Variants in NLGN1 observed in about 807,000 individuals in gnomAD.
NLGN1 encodes neuroligin-1.
In NLGN1, 12 loss-of-function variants were observed where a neutral mutation model predicts 65.5. The ratio of observed to expected loss-of-function variants is 0.18; its 90% CI spans 0.12 to 0.30. The LOEUF is 0.30. Ranked by LOEUF, NLGN1 falls within the 10% of genes least tolerant of loss-of-function variation. The pLI is 1.00. For synonymous variants in NLGN1, 350 were observed against 359.5 expected (o/e 0.97, Z 0.30); for missense variants, 750 against 1,007.1 (o/e 0.74, Z 3.46).
chr3:173,861,124 A>G (rs1016975332), intron 4 of NLGN1, among the ~76,000 whole-genome samples: 2 of 152,200 alleles, frequency 1.3e-5, no homozygotes, highest in Non-Finnish European at 2.9e-5. Context: ...TTATAAATTC[A>G]GAGAAGACTT....
intron 2 of NLGN1, among the ~76,000 whole-genome samples, chr3:173,447,103 C>T (rs146771504): frequency 0.15 from 23,558 of 152,146 alleles, 1,907 homozygotes; most frequent in Middle Eastern, 0.25. Flanking sequence ...CTTTTGTTGC[C>T]ATTGCTTTTG....
intron 4 of NLGN1, among the ~76,000 whole-genome samples, chr3:174,161,267 A>G (rs1352742862): frequency 2.0e-5 from 3 of 151,878 alleles, no homozygotes; most frequent in Admixed American, 1.3e-4. Context: ...AAATCACCAT[A>G]TAACTGTTAC....
intron 4 of NLGN1, among the ~76,000 whole-genome samples, chr3:173,896,893 C>T (rs184089878): frequency 7.4e-4 from 112 of 152,278 alleles, no homozygotes; most frequent in Non-Finnish European, 1.3e-3. Flanking sequence ...TTGCCACACT[C>T]ATTGTTCCTT....
At chr3:174,022,221 A>T (rs973849515) in intron 4 of NLGN1, among the ~76,000 whole-genome samples, 3 of 152,170 alleles carry the variant, frequency 2.0e-5, no homozygotes, top group Non-Finnish European at 2.9e-5. Context: ...GTCTCTCTTC[A>T]GTCTGAATAA....
intron 2 of NLGN1, among the ~76,000 whole-genome samples, chr3:173,444,286 G>T (rs1003729629): frequency 3.9e-5 from 6 of 152,100 alleles, no homozygotes; most frequent in African/African-American, 1.2e-4. Context: ...GATGTCTGTG[G>T]CTCCATATCT....
chr3:174,022,859 G>C (rs879346901), intron 4 of NLGN1, among the ~76,000 whole-genome samples: 6 of 152,092 alleles, frequency 3.9e-5, no homozygotes, highest in Admixed American at 3.9e-4. Context: ...GGGGTTTCTG[G>C]AGGTGCTAGT....
chr3:173,579,860 G>T (rs772780542), intron 2 of NLGN1, among the ~76,000 whole-genome samples: 5 of 152,226 alleles, frequency 3.3e-5, no homozygotes, highest in East Asian at 1.9e-4. Flanking sequence ...TCTGAAGATG[G>T]TAGAGGATTT....
intron 4 of NLGN1, among the ~76,000 whole-genome samples, chr3:174,079,380 G>A (rs1334103068): frequency 1.3e-5 from 2 of 151,858 alleles, no homozygotes; most frequent in African/African-American, 4.9e-5. Context: ...AAATTTAAAA[G>A]TCAAAAACAA....
At chr3:174,159,087 G>C (rs983064348) in intron 4 of NLGN1, among the ~76,000 whole-genome samples, 1 of 151,618 alleles carries the variant, frequency 6.6e-6, no homozygotes, top group African/African-American at 2.4e-5. Flanking sequence ...GGAATAGCCA[G>C]GCTGCTATTC....
At chr3:173,604,457 C>T in exon 3 of NLGN1, 2 of 826,746 alleles carry the variant, frequency 2.4e-6, no homozygotes, top group Non-Finnish European at 3.9e-6. Context: ...TATCTGCTGT[C>T]TGAAGATCTT....
At chr3:174,024,264 T>A (rs1728388071) in intron 4 of NLGN1, among the ~76,000 whole-genome samples, 1 of 151,542 alleles carries the variant, frequency 6.6e-6, no homozygotes, top group Non-Finnish European at 1.5e-5. Flanking sequence ...ATGATTCCTA[T>A]CAATAGGAGT....
chr3:173,787,873 A>G (rs1711559320), intron 3 of NLGN1, among the ~76,000 whole-genome samples: 1 of 152,228 alleles, frequency 6.6e-6, no homozygotes, highest in African/African-American at 2.4e-5. Flanking sequence ...TGCTTCTTGC[A>G]GTGTTGGTGA....
chr3:173,723,140 C>T lies in NLGN1; in HGVS notation c.494-84540C>T, dbSNP rs369882894. Among the ~76,000 whole-genome samples the T allele has an allele frequency of 2.6e-5, 4 of 152,214 alleles. No individual in the cohort carries two copies. The East Asian group carries it at 7.7e-4, about 29-fold the overall frequency. Reference sequence around the variant, plus strand: ...TCAAAGCGATACTTGAAGGCCATTGCGGCTAGAGCTATGTGAGCAAAGGGG... The same window carrying T: ...TCAAAGCGATACTTGAAGGCCATTGTGGCTAGAGCTATGTGAGCAAAGGGG... On this transcript the variant is annotated intron_variant, in intron 3 of 6. Transcript: ENST00000457714.
At chr3:173,631,096 A>T (rs192813259) in intron 3 of NLGN1, among the ~76,000 whole-genome samples, 1 of 152,254 alleles carries the variant, frequency 6.6e-6, no homozygotes, top group East Asian at 1.9e-4. Flanking sequence ...GTAGTTTCAG[A>T]TTTAAATGAG....
At chr3:173,591,164 A>C (rs1416498174) in intron 2 of NLGN1, among the ~76,000 whole-genome samples, 1 of 152,160 alleles carries the variant, frequency 6.6e-6, no homozygotes, top group Non-Finnish European at 1.5e-5. Context: ...TTATTTGGCA[A>C]CCTATATTCC....
At chr3:174,062,902 T>C in intron 4 of NLGN1, among the ~76,000 whole-genome samples, 1 of 152,094 alleles carries the variant, frequency 6.6e-6, no homozygotes, top group East Asian at 1.9e-4. Context: ...CTTCCCTCAG[T>C]ATAACACTGT....
At chr3:173,401,745 A>G (rs1023982625) in intron 1 of NLGN1, among the ~76,000 whole-genome samples, 1 of 152,208 alleles carries the variant, frequency 6.6e-6, no homozygotes, top group Non-Finnish European at 1.5e-5. Flanking sequence ...GTTTGCCGTG[A>G]TGGCAGAGTG....
intron 3 of NLGN1, among the ~76,000 whole-genome samples, chr3:173,632,114 T>A (rs1183572171): frequency 6.6e-6 from 1 of 152,138 alleles, no homozygotes; most frequent in Non-Finnish European, 1.5e-5. Flanking sequence ...CAGATACATC[T>A]GCAGTGTCTA....
chr3:173,505,091 A>T (rs1297006146), intron 2 of NLGN1, among the ~76,000 whole-genome samples: 1 of 151,640 alleles, frequency 6.6e-6, no homozygotes, highest in East Asian at 1.9e-4. Flanking sequence ...TCACATCCAG[A>T]CTTCCTCTTC....
Sources: gnomAD v4.1 joint callset for allele counts (sites outside exome capture counted in the v4.1 genomes callset) on GRCh38, gnomAD v4.1.1 for gene constraint, MANE v1.5 for transcripts, NCBI Gene and HGNC (gene_info 2026-07-23, HGNC 2026-07-21) for gene names.